The following NBAS variants were observed in gnomAD, a reference collection of about 807,000 sequenced individuals.
The protein encoded by NBAS is NBAS subunit of NRZ tethering complex.
Under a neutral mutation model 302.5 loss-of-function variants are expected in NBAS, and 219 were observed. The observed-to-expected ratio is 0.72, with a 90% CI of 0.65 to 0.81. The LOEUF (loss-of-function observed/expected upper bound fraction) is 0.81. Ranked by LOEUF, NBAS falls within the 30% of genes least tolerant of loss-of-function variation. The pLI is 0.00. For synonymous variants in NBAS, 1,118 were observed against 1,021.6 expected (o/e 1.09, Z -1.80); for missense variants, 2,932 against 2,841.6 (o/e 1.03, Z -0.72).
intron 32 of NBAS, among the ~76,000 whole-genome samples, chr2:15,362,129 T>C (rs1353827887): frequency 3.3e-5 from 5 of 151,986 alleles, no homozygotes; most frequent in Admixed American, 1.3e-4. Context: ...ATCTTCTTTA[T>C]GTACTTCATA....
In NBAS at chr2:15,395,410, C is replaced by A. The variant is rs142597462; in HGVS notation, c.3134+1003G>T. ...AGGTAGTGGGGATGGCAGGCACAAGCCAACCTATAATAGGAAAAGCTGATT... is the reference window on the plus strand; with the variant it reads ...AGGTAGTGGGGATGGCAGGCACAAGACAACCTATAATAGGAAAAGCTGATT... On this transcript the variant is annotated intron_variant, in intron 27 of 51. Transcript: ENST00000281513. 5.9e-5 allele frequency among the ~76,000 whole-genome samples: 9 copies of A among 152,096 alleles called. No homozygotes were observed. The East Asian group carries it at 1.7e-3, about 29-fold the overall frequency.
At chr2:15,348,077 A>G (rs949728869) in intron 35 of NBAS, among the ~76,000 whole-genome samples, 12 of 152,352 alleles carry the variant, frequency 7.9e-5, no homozygotes, top group Non-Finnish European at 1.3e-4. Flanking sequence ...TGTGGTTATT[A>G]TATCTACTGT....
At chr2:15,132,967 A>G in the NBAS span, among the ~76,000 whole-genome samples, 47 of 152,288 alleles carry the variant, frequency 3.1e-4, no homozygotes, top group Admixed American at 1.6e-3. Flanking sequence ...GCTATTTTCT[A>G]AATCATGTAC....
chr2:15,330,640 C>T lies in NBAS; in HGVS notation c.4305G>A (p.Gly1435=). ...AAGTTAAAGACTTCTTCCACCACTG[C>T]CCATCACTGACGGCCTGCAGCACCG... is the stretch of plus-strand genomic sequence containing the variant. The part of the protein sequence containing the change: ...TKAVLQAVSD[G]QWWKKSLTYL... Residue 1435 remains glycine, a synonymous_variant, in exon 36 of 52, where the codon GGG becomes GGA. Coordinates refer to ENST00000281513, the MANE Select transcript of NBAS (RefSeq NM_015909.4). 1 of 1,614,042 alleles carries T rather than the reference C, an allele frequency of 6.2e-7. No individual in the cohort carries two copies. The highest frequency in any genetic ancestry group is 1.3e-5 in the African/African-American group (1 of 75,040).
At chr2:14,898,612 C>T in the NBAS span, among the ~76,000 whole-genome samples, 107 of 152,270 alleles carry the variant, frequency 7.0e-4, 1 homozygote, top group African/African-American at 2.6e-3. Context: ...TGGTTTCCCC[C>T]ACACTGTTTT....
chr2:15,177,689 G>A (rs1042002088), intron 51 of NBAS, among the ~76,000 whole-genome samples: 6 of 152,020 alleles, frequency 3.9e-5, no homozygotes, highest in Admixed American at 6.6e-5. Context: ...CAATTTCTTG[G>A]ATTTATAAGA....
At chr2:15,098,155 AATATATTATATTGT>A in the NBAS span, among the ~76,000 whole-genome samples, 12 of 5,558 alleles carry the variant, frequency 2.2e-3, 2 homozygotes, top group Non-Finnish European at 2.5e-3. Context: ...TATTGTATAT[AATATATTATATTGT>A]ATATATTATA....
At chr2:15,254,942 C>T (rs1668524565) in intron 44 of NBAS, among the ~76,000 whole-genome samples, 2 of 152,042 alleles carry the variant, frequency 1.3e-5, no homozygotes, top group Non-Finnish European at 1.5e-5. Context: ...GTGTACCTCA[C>T]ATGTTCTTTA....
chr2:15,509,336 T>C (rs1296561701), intron 10 of NBAS, among the ~76,000 whole-genome samples: 1 of 152,144 alleles, frequency 6.6e-6, no homozygotes, highest in East Asian at 1.9e-4. Flanking sequence ...ATACACCAAC[T>C]GTTCTCCTTA....
intron 48 of NBAS, among the ~76,000 whole-genome samples, chr2:15,192,476 A>G (rs1665406839): frequency 6.6e-6 from 1 of 152,132 alleles, no homozygotes; most frequent in Non-Finnish European, 1.5e-5. Context: ...TGTAAGATTT[A>G]AAAAGAAAAT....
In NBAS at chr2:15,396,401, C is replaced by A; in HGVS notation, c.3134+12G>T. The A allele has an allele frequency of 2.5e-6, 4 of 1,598,528 alleles. No homozygotes were observed. In the South Asian group the frequency reaches 3.4e-5, roughly 14 times the overall value. On this transcript the variant is annotated intron_variant, in intron 27 of 51. Transcript: ENST00000281513. ...AAGCATGGAGAAAAAAAAAAACTGTCATTTTTCTCACCTGAGAATTTGTTC... is the reference window on the plus strand; with the variant it reads ...AAGCATGGAGAAAAAAAAAAACTGTAATTTTTCTCACCTGAGAATTTGTTC...
intron 6 of NBAS, among the ~76,000 whole-genome samples, chr2:15,550,060 A>G (rs1056879642): frequency 6.6e-6 from 1 of 152,160 alleles, no homozygotes; most frequent in Non-Finnish European, 1.5e-5. Context: ...GCTACTCAGG[A>G]GGCTGAGGCA....
the NBAS span, among the ~76,000 whole-genome samples, chr2:15,127,605 CTTCTT>C: frequency 4.6e-5 from 7 of 152,312 alleles, no homozygotes; most frequent in Admixed American, 4.6e-4. Flanking sequence ...TAAGGCTGTT[CTTCTT>C]TTAAGACCTA....
At chr2:15,013,134 T>C in the NBAS span, among the ~76,000 whole-genome samples, 35 of 152,122 alleles carry the variant, frequency 2.3e-4, no homozygotes, top group African/African-American at 8.0e-4. Flanking sequence ...TCTGGGATTA[T>C]AGGCAGAGCC....
chr2:15,182,308 T>C (rs1221622915), intron 50 of NBAS, among the ~76,000 whole-genome samples: 1 of 152,250 alleles, frequency 6.6e-6, no homozygotes, highest in Non-Finnish European at 1.5e-5. Flanking sequence ...TCTCATTTAA[T>C]TTCTCCTCAA....
the NBAS span, among the ~76,000 whole-genome samples, chr2:14,959,438 T>C: frequency 6.6e-6 from 1 of 152,230 alleles, no homozygotes; most frequent in African/African-American, 2.4e-5. Flanking sequence ...TTTTGCAATT[T>C]TGATCCATTG....
the NBAS span, among the ~76,000 whole-genome samples, chr2:15,009,214 T>C: frequency 3.3e-5 from 5 of 152,152 alleles, no homozygotes; most frequent in Admixed American, 2.0e-4. Flanking sequence ...ATAACCTCTC[T>C]CTTAACCAGT....
intron 47 of NBAS, among the ~76,000 whole-genome samples, chr2:15,226,183 A>C (rs1667145155): frequency 6.6e-6 from 1 of 152,254 alleles, no homozygotes. Context: ...TGTAAAATTC[A>C]GATGACAATT....
chr2:14,880,156 A>T, the NBAS span, among the ~76,000 whole-genome samples: 1 of 152,170 alleles, frequency 6.6e-6, no homozygotes, highest in African/African-American at 2.4e-5. Flanking sequence ...TTAATTTAAA[A>T]ACCATATACA....
Sources: allele counts gnomAD v4.1 joint callset (sites outside exome capture counted in the v4.1 genomes callset), GRCh38; gene constraint gnomAD v4.1.1; transcripts MANE v1.5; gene names NCBI Gene and HGNC (gene_info 2026-07-23, HGNC 2026-07-21).